The following TRAPPC8 variants were observed in gnomAD, a reference collection of about 807,000 sequenced individuals.
TRAPPC8 encodes trafficking protein particle complex subunit 8.
A neutral mutation model predicts 174.3 loss-of-function variants in TRAPPC8; 54 were observed. The ratio of observed to expected loss-of-function variants is 0.31; its 90% CI spans 0.25 to 0.39. The LOEUF is 0.39. TRAPPC8 is among the 10% of genes least tolerant of loss of function. The pLI, the probability that TRAPPC8 is intolerant of heterozygous loss-of-function variation, is 1.00. For missense variants in TRAPPC8, 1,531 were observed against 1,699.1 expected (o/e 0.90, Z 1.74); for synonymous variants, 630 against 579.9 (o/e 1.09, Z -1.24).
chr18:31,917,774 A>T, intron 2 of TRAPPC8, 107 bp from the exon 3 acceptor site: 1 of 914,260 alleles, frequency 1.1e-6, no homozygotes, highest in East Asian at 2.6e-5. Flanking sequence ...AAAAATTTCT[A>T]ACAGTAAACA....
At chr18:31,893,362 T>A (rs1232592718) in intron 11 of TRAPPC8, among the ~76,000 whole-genome samples, 2 of 151,222 alleles carry the variant, frequency 1.3e-5, no homozygotes, top group Non-Finnish European at 2.9e-5. Flanking sequence ...AAAAGTGCTC[T>A]CCTAGTATTT....
At chr18:31,866,784 C>G in intron 18 of TRAPPC8, 65 bp downstream of exon 18, 2 of 1,538,362 alleles carry the variant, frequency 1.3e-6, no homozygotes, top group Non-Finnish European at 1.8e-6. Context: ...TCATTTTTGT[C>G]CATTTTATTC....
At chr18:31,844,824 T>A (rs1260500460) in intron 26 of TRAPPC8, among the ~76,000 whole-genome samples, 1 of 151,912 alleles carries the variant, frequency 6.6e-6, no homozygotes, top group Non-Finnish European at 1.5e-5. Context: ...AACAGTAACT[T>A]GACTGTGAAG....
At chr18:31,863,798 C>G (rs890077925) in intron 19 of TRAPPC8, among the ~76,000 whole-genome samples, 7 of 151,904 alleles carry the variant, frequency 4.6e-5, no homozygotes, top group Non-Finnish European at 1.0e-4. Flanking sequence ...TAAGCCTGAT[C>G]CAAAGTGGAC....
chr18:31,887,661 A>AT (rs1347448808), intron 12 of TRAPPC8, among the ~76,000 whole-genome samples: 1 of 151,912 alleles, frequency 6.6e-6, no homozygotes, highest in Admixed American at 6.6e-5. Flanking sequence ...AAAAAAAAAA[A>AT]AAATAGTAAG....
In TRAPPC8 at chr18:31,909,013, A is replaced by C. The variant is rs755708613; in HGVS notation, c.866-3T>G. ...TCTAAAGTTATTTGGTAAGCCATCTACTGAAAAAGAGATTATTTCTTTTAC... is the reference window on the plus strand; with the variant it reads ...TCTAAAGTTATTTGGTAAGCCATCTCCTGAAAAAGAGATTATTTCTTTTAC... On this transcript the variant is annotated splice_region_variant and splice_polypyrimidine_tract_variant and intron_variant, in intron 6 of 28. Coordinates refer to ENST00000283351, the MANE Select transcript of TRAPPC8 (RefSeq NM_014939.5). 3 of 1,596,572 alleles carry C rather than the reference A, an allele frequency of 1.9e-6. No individual in the cohort carries two copies. In the Admixed American group the frequency reaches 5.1e-5, roughly 27 times the overall value.
chr18:31,859,149 T>C (rs566073947), intron 19 of TRAPPC8, among the ~76,000 whole-genome samples: 12 of 152,046 alleles, frequency 7.9e-5, no homozygotes, highest in Admixed American at 4.6e-4. Context: ...ACAACTAACA[T>C]CTAAGCAAGC....
intron 2 of TRAPPC8, among the ~76,000 whole-genome samples, chr18:31,928,476 C>G (rs2037717746): frequency 6.6e-6 from 1 of 152,002 alleles, no homozygotes; most frequent in Non-Finnish European, 1.5e-5. Context: ...GGGCTATGAT[C>G]ATACCACTGC....
At chr18:31,855,544 A>C (rs1213274035) in intron 21 of TRAPPC8, 116 bp downstream of exon 21, 1 of 827,576 alleles carries the variant, frequency 1.2e-6, no homozygotes, top group East Asian at 2.7e-5. Context: ...CTACATGAAC[A>C]TTCCTAAAAT....
chr18:31,941,574 C>T (rs932254115), intron 1 of TRAPPC8, among the ~76,000 whole-genome samples: 2 of 152,134 alleles, frequency 1.3e-5, no homozygotes, highest in African/African-American at 4.8e-5. Context: ...AGTTTCCAAA[C>T]TTTGTTTTTT....
intron 19 of TRAPPC8, among the ~76,000 whole-genome samples, chr18:31,860,891 T>C (rs1444408553): frequency 6.6e-6 from 1 of 152,216 alleles, no homozygotes; most frequent in East Asian, 1.9e-4. Flanking sequence ...AAATTAAGTA[T>C]TGTGTAAACT....
intron 12 of TRAPPC8, among the ~76,000 whole-genome samples, chr18:31,888,981 A>T (rs747850920): frequency 2.0e-5 from 3 of 152,174 alleles, no homozygotes; most frequent in Admixed American, 6.5e-5. Context: ...AGTCAGAATT[A>T]TATGTGTTCT....
At chr18:31,917,742 A>G in intron 2 of TRAPPC8, 75 bp from the exon 3 acceptor site, 15 of 1,372,158 alleles carry the variant, frequency 1.1e-5, no homozygotes, top group Non-Finnish European at 1.4e-5. Context: ...TTTCAAGTCC[A>G]TATTCCTAAA....
chr18:31,935,548 T>TGAAA lies in TRAPPC8; in HGVS notation c.158-4026_158-4025insTTTC, dbSNP rs745488703. Among the ~76,000 whole-genome samples, 52 of 46,276 alleles carry TGAAA rather than the reference T, an allele frequency of 1.1e-3. 11 individuals are homozygous for TGAAA. Among genetic ancestry groups the TGAAA allele is most frequent in the Non-Finnish European group, 1.3e-3 (36 of 28,296 alleles). 30.4% of individuals were successfully genotyped at this position (46,276 alleles called of 152,430 possible). The stretch of plus-strand genomic sequence containing the variant: ...GGGCAACAAGAGCGAAACTCCATCT[T>TGAAA]AAAAAAAAAAAAAAAAAAAAGCAGG... On this transcript the variant is annotated intron_variant, in intron 1 of 28. Transcript: ENST00000283351.
intron 25 of TRAPPC8, among the ~76,000 whole-genome samples, chr18:31,847,354 C>T (rs533937415): frequency 1.6e-4 from 24 of 152,078 alleles, no homozygotes; most frequent in Non-Finnish European, 3.2e-4. Flanking sequence ...AATACTTGTT[C>T]CAGTTTATAA....
intron 26 of TRAPPC8, among the ~76,000 whole-genome samples, chr18:31,844,800 A>G (rs916215514): frequency 6.6e-6 from 1 of 152,114 alleles, no homozygotes; most frequent in Non-Finnish European, 1.5e-5. Flanking sequence ...ATTACTTACT[A>G]TTATGAAAGG....
chr18:31,853,354 G>C (rs8099528), intron 22 of TRAPPC8, among the ~76,000 whole-genome samples: 9,022 of 152,218 alleles, frequency 0.059, 283 homozygotes, highest in Middle Eastern at 0.11. Flanking sequence ...TGCACCCTCT[G>C]CCTCCCGGGT....
At chr18:31,924,702 C>T (rs1382275319) in intron 2 of TRAPPC8, among the ~76,000 whole-genome samples, 1 of 143,084 alleles carries the variant, frequency 7.0e-6, no homozygotes, top group Non-Finnish European at 1.5e-5. Flanking sequence ...CGCACCACTG[C>T]ACTCCAGCCT....
At chr18:31,920,420 T>C (rs1283593697) in intron 2 of TRAPPC8, among the ~76,000 whole-genome samples, 1 of 152,168 alleles carries the variant, frequency 6.6e-6, no homozygotes. Flanking sequence ...GAATGACCCA[T>C]ATATCCTACA....
Sources: allele counts gnomAD v4.1 joint callset (sites outside exome capture counted in the v4.1 genomes callset), GRCh38; gene constraint gnomAD v4.1.1; transcripts MANE v1.5; gene names NCBI Gene and HGNC (gene_info 2026-07-23, HGNC 2026-07-21).